Variants in KCNIP4 observed in about 807,000 individuals in gnomAD.
The protein encoded by KCNIP4 is Kv channel-interacting protein 4.
In KCNIP4, 12 loss-of-function variants were observed where a neutral mutation model predicts 34.0. That is an observed-to-expected ratio of 0.35 (90% confidence interval 0.23 to 0.57). KCNIP4 has a LOEUF of 0.57. Ranked by LOEUF, KCNIP4 falls within the 20% of genes least tolerant of loss-of-function variation. The pLI, the probability that KCNIP4 is intolerant of heterozygous loss-of-function variation, is 0.83. For missense variants in KCNIP4, 238 were observed against 311.7 expected (o/e 0.76, Z 1.78); for synonymous variants, 124 against 102.2 (o/e 1.21, Z -1.29).
At chr4:21,346,170 T>C (rs1717316915) in intron 1 of KCNIP4, among the ~76,000 whole-genome samples, 1 of 102,768 alleles carries the variant, frequency 9.7e-6, no homozygotes, top group African/African-American at 3.5e-5. Context: ...TATATAGAAA[T>C]CTGTAATATA....
intron 1 of KCNIP4, among the ~76,000 whole-genome samples, chr4:21,339,928 C>T (rs1017753893): frequency 6.6e-6 from 1 of 152,110 alleles, no homozygotes; most frequent in African/African-American, 2.4e-5. Flanking sequence ...GTTTCCTCTA[C>T]TCTTGTATTC....
At chr4:21,065,765 T>TATATATAG (rs1491302260) in intron 1 of KCNIP4, among the ~76,000 whole-genome samples, 1 of 114,832 alleles carries the variant, frequency 8.7e-6, no homozygotes, top group African/African-American at 3.1e-5. Flanking sequence ...TATATATATA[T>TATATATAG]AACTCAATTT....
intron 1 of KCNIP4, among the ~76,000 whole-genome samples, chr4:21,123,359 C>T (rs2077821826): frequency 6.6e-6 from 1 of 152,114 alleles, no homozygotes; most frequent in African/African-American, 2.4e-5. Context: ...CATCCCTGTC[C>T]TCACAGAGCT....
intron 5 of KCNIP4, among the ~76,000 whole-genome samples, chr4:20,737,207 G>A (rs1038461993): frequency 5.3e-5 from 8 of 152,190 alleles, no homozygotes; most frequent in Admixed American, 5.2e-4. Context: ...GTACAGAGAG[G>A]AGAAGCTGGC....
At chr4:21,866,897 C>G (rs1183413393) in intron 1 of KCNIP4, among the ~76,000 whole-genome samples, 4 of 151,554 alleles carry the variant, frequency 2.6e-5, no homozygotes, top group Admixed American at 2.6e-4. Flanking sequence ...TCAGCCTCCC[C>G]AGTAGCTGGG....
intron 1 of KCNIP4, among the ~76,000 whole-genome samples, chr4:21,725,821 G>A (rs1715155203): frequency 6.6e-6 from 1 of 151,952 alleles, no homozygotes; most frequent in South Asian, 2.1e-4. Flanking sequence ...CTGGCACATA[G>A]CAGGTATATA....
In KCNIP4 at chr4:20,768,941, A is replaced by G. The variant is rs140282085; in HGVS notation, c.289-10051T>C. Among the ~76,000 whole-genome samples, 214 of 152,242 alleles carry G rather than the reference A, an allele frequency of 1.4e-3. 1 individual carries two copies. Among genetic ancestry groups the G allele is most frequent in the African/African-American group, 4.9e-3 (204 of 41,552 alleles). On this transcript the variant is annotated intron_variant, in intron 3 of 8. Transcript: ENST00000382152. ...AATTCAGCTGCAAGGATGTGGGCACATTCTGAGCCCCACGAGTTCTCAGGG... is the reference window on the plus strand; with the variant it reads ...AATTCAGCTGCAAGGATGTGGGCACGTTCTGAGCCCCACGAGTTCTCAGGG...
chr4:21,070,306 T>C (rs932943212), intron 1 of KCNIP4, among the ~76,000 whole-genome samples: 3 of 152,148 alleles, frequency 2.0e-5, no homozygotes, highest in Non-Finnish European at 2.9e-5. Context: ...CATGTGCAGA[T>C]TGTTGTGTGT....
chr4:21,532,078 G>A (rs1206648450), intron 1 of KCNIP4, among the ~76,000 whole-genome samples: 2 of 152,094 alleles, frequency 1.3e-5, no homozygotes, highest in Non-Finnish European at 2.9e-5. Context: ...CATTTCTGAT[G>A]TGTCAGTATA....
chr4:21,604,005 C>A (rs1048429587), intron 1 of KCNIP4, among the ~76,000 whole-genome samples: 1 of 151,532 alleles, frequency 6.6e-6, no homozygotes, highest in Admixed American at 6.6e-5. Flanking sequence ...GACTTCTGTT[C>A]GGTAATGGGA....
At chr4:21,931,127 T>C (rs888709499) in intron 1 of KCNIP4, among the ~76,000 whole-genome samples, 1 of 152,136 alleles carries the variant, frequency 6.6e-6, no homozygotes, top group Non-Finnish European at 1.5e-5. Flanking sequence ...TGGTAGCTTT[T>C]GCATGTCATT....
intron 1 of KCNIP4, among the ~76,000 whole-genome samples, chr4:21,344,708 G>A (rs541501079): frequency 2.0e-5 from 3 of 152,306 alleles, no homozygotes; most frequent in African/African-American, 7.2e-5. Context: ...TATGTAGGCA[G>A]AATAGGCATC....
intron 1 of KCNIP4, among the ~76,000 whole-genome samples, chr4:21,207,598 C>T (rs938861063): frequency 6.6e-6 from 1 of 152,044 alleles, no homozygotes; most frequent in African/African-American, 2.4e-5. Flanking sequence ...AGGCTAACTG[C>T]CCAGGTTGGT....
At chr4:20,794,336 C>T (rs1385210770) in intron 3 of KCNIP4, among the ~76,000 whole-genome samples, 2 of 152,142 alleles carry the variant, frequency 1.3e-5, no homozygotes, top group Non-Finnish European at 2.9e-5. Flanking sequence ...GCTATAAATA[C>T]AGCTGAAGCT....
intron 1 of KCNIP4, among the ~76,000 whole-genome samples, chr4:21,533,182 A>C (rs555308224): frequency 6.6e-6 from 1 of 152,084 alleles, no homozygotes; most frequent in Non-Finnish European, 1.5e-5. Flanking sequence ...CTAAGTATCA[A>C]AATAAAAGCT....
chr4:21,472,965 G>T (rs1018792924), intron 1 of KCNIP4, among the ~76,000 whole-genome samples: 23 of 152,270 alleles, frequency 1.5e-4, no homozygotes, highest in African/African-American at 4.8e-4. Flanking sequence ...TTTCAGGAGA[G>T]AAATATACTA....
intron 1 of KCNIP4, among the ~76,000 whole-genome samples, chr4:21,907,587 C>T (rs1316176688): frequency 6.6e-6 from 1 of 152,082 alleles, no homozygotes; most frequent in East Asian, 1.9e-4. Flanking sequence ...TAGAAATGAA[C>T]TTTATGGGGA....
intron 1 of KCNIP4, among the ~76,000 whole-genome samples, chr4:21,865,923 T>C (rs1308984421): frequency 3.2e-5 from 4 of 126,046 alleles, no homozygotes; most frequent in Non-Finnish European, 7.1e-5. Context: ...ATATATATGG[T>C]GTCTCATATA....
chr4:20,850,328 CTT>C, intron 3 of KCNIP4: 1 of 418,466 alleles, frequency 2.4e-6, no homozygotes, highest in Non-Finnish European at 4.3e-6. Context: ...CTCAGAAACT[CTT>C]TGTTTAATGG....
Sources: allele counts gnomAD v4.1 joint callset (sites outside exome capture counted in the v4.1 genomes callset), GRCh38; gene constraint gnomAD v4.1.1; transcripts MANE v1.5; gene names NCBI Gene and HGNC (gene_info 2026-07-23, HGNC 2026-07-21).